CAMTA1: variants seen among roughly 807,000 people sequenced by gnomAD.
CAMTA1 encodes the protein calmodulin-binding transcription activator 1.
In CAMTA1, 27 loss-of-function variants were observed where a neutral mutation model predicts 170.9. That is an observed-to-expected ratio of 0.16 (90% CI 0.12 to 0.22). CAMTA1 has a LOEUF of 0.22. Among genes scored for constraint, CAMTA1 ranks in the 10% least tolerant of loss-of-function variants. CAMTA1 has a pLI of 1.00. For missense variants in CAMTA1, 1,619 were observed against 2,217.2 expected, an observed-to-expected ratio of 0.73 and a Z score of 5.42; for synonymous variants, 833 against 891.5, an observed-to-expected ratio of 0.93 and a Z score of 1.17.
rs376405509 is a variant in CAMTA1, at chr1:7,660,630, C to T, written c.665-1096C>T. Among the ~76,000 whole-genome samples, 25 of 152,338 alleles carry T rather than the reference C, an allele frequency of 1.6e-4. No individual in the cohort carries two copies. In the East Asian group the frequency reaches 4.1e-3, roughly 25 times the overall value. On this transcript the variant is annotated intron_variant, in intron 7 of 22. Coordinates refer to ENST00000303635, the MANE Select transcript of CAMTA1 (RefSeq NM_015215.4). ...GTCGACGCTCTCCTTGTCCCCCTAC[C>T]TTCTAGAGCCCTTCACAGAACTGGG...
rs1235301596 is a variant in CAMTA1 at position 7,248,776 on chromosome 1, C to T, written c.303-715C>T. Among the ~76,000 whole-genome samples, 2 of 152,116 alleles carry T rather than the reference C, an allele frequency of 1.3e-5. No homozygotes were observed. Among genetic ancestry groups the T allele is most frequent in the African/African-American group, 2.4e-5 (1 of 41,420 alleles). ...CCTTTTTCATCATCACACGAATGAC[C>T]ATCTAACTCTTAGCATTTAGGGAGC... On this transcript the variant is annotated intron_variant, in intron 4 of 22. Transcript: ENST00000303635. The surrounding 1 kb of genome is among the most constrained non-coding windows in gnomAD (Gnocchi z 4.0).
intron 5 of CAMTA1, among the ~76,000 whole-genome samples, chr1:7,432,717 G>T (rs558193810): frequency 1.3e-4 from 20 of 152,358 alleles, no homozygotes; most frequent in African/African-American, 4.6e-4. Flanking sequence ...CCTTTCTGTT[G>T]TCTGAGCTCC....
chr1:6,849,151 A>T (rs72638517), intron 3 of CAMTA1, among the ~76,000 whole-genome samples: 4,768 of 152,300 alleles, frequency 0.031, 124 homozygotes, highest in Middle Eastern at 0.044. Context: ...TTTCACGGTG[A>T]AGGAGAGGAG....
chr1:7,500,825 C>T (rs2093993802), intron 6 of CAMTA1, among the ~76,000 whole-genome samples: 1 of 152,094 alleles, frequency 6.6e-6, no homozygotes, highest in Non-Finnish European at 1.5e-5. Context: ...AGCAGCAAGT[C>T]TCGGTGACAT....
intron 4 of CAMTA1, among the ~76,000 whole-genome samples, chr1:7,124,500 T>C (rs921179905): frequency 6.6e-6 from 1 of 152,250 alleles, no homozygotes; most frequent in African/African-American, 2.4e-5. Flanking sequence ...TGGATGGCCC[T>C]TCTGCAATGG....
chr1:7,270,432 T>C (rs1264485965), intron 5 of CAMTA1, among the ~76,000 whole-genome samples: 1 of 151,664 alleles, frequency 6.6e-6, no homozygotes. Context: ...GTAGCTGGGA[T>C]TACAGGCACC....
Position 6,785,584 on chromosome 1 carries a change from C to A in CAMTA1, c.45+9C>A. 9.5e-7 allele frequency: 1 copy of A among 1,048,368 alleles called. No homozygotes were observed. The highest frequency in any genetic ancestry group is 1.2e-6 in the Non-Finnish European group (1 of 856,294). The allele number at this position is 1,048,368 out of a possible 1,614,324, so 64.9% of individuals were successfully genotyped here. A position where few individuals can be genotyped will look rare whatever the true frequency, so the allele number is the denominator to read the frequency against. On this transcript the variant is annotated intron_variant, in intron 1 of 22. Transcript: ENST00000303635. ...CGAAAACAAGCCGGAAGGTAAGAGC[C>A]GGAGCGCGAGGGGCTGGGGGGCGGC...
intron 3 of CAMTA1, among the ~76,000 whole-genome samples, chr1:6,952,879 C>G (rs1688745731): frequency 6.6e-6 from 1 of 152,096 alleles, no homozygotes; most frequent in Non-Finnish European, 1.5e-5. Context: ...TTGCAGGGAA[C>G]TTGGAACATA....
At chr1:6,968,023 C>A (rs1427723438) in intron 3 of CAMTA1, among the ~76,000 whole-genome samples, 1 of 152,156 alleles carries the variant, frequency 6.6e-6, no homozygotes, top group South Asian at 2.1e-4. Context: ...TGCTTTAACT[C>A]GAAGAACATC....
intron 4 of CAMTA1, among the ~76,000 whole-genome samples, chr1:7,181,724 A>G (rs1652198136): frequency 6.6e-6 from 1 of 151,638 alleles, no homozygotes; most frequent in African/African-American, 2.4e-5. Flanking sequence ...AGTCTTGAAC[A>G]AATAGAAAGA....
chr1:7,530,327 G>T (rs1339816571), intron 6 of CAMTA1, among the ~76,000 whole-genome samples: 1 of 152,214 alleles, frequency 6.6e-6, no homozygotes, highest in Non-Finnish European at 1.5e-5. Flanking sequence ...TATTAGTGTG[G>T]CACTGATGCA....
intron 22 of CAMTA1, among the ~76,000 whole-genome samples, chr1:7,756,238 T>A (rs2150219781): frequency 6.6e-6 from 1 of 152,220 alleles, no homozygotes; most frequent in African/African-American, 2.4e-5. Context: ...GGTAAGTCAC[T>A]GTACAAGGCT....
chr1:7,661,385 G>T (rs1336422100), intron 7 of CAMTA1, among the ~76,000 whole-genome samples: 1 of 152,186 alleles, frequency 6.6e-6, no homozygotes, highest in Non-Finnish European at 1.5e-5. Flanking sequence ...TTCTGTCCTT[G>T]TTCCCTTTCT....
At chr1:6,926,486 T>TTCTTTCTTTCTTTCTTTCTC (rs1553188109) in intron 3 of CAMTA1, among the ~76,000 whole-genome samples, 1 of 134,730 alleles carries the variant, frequency 7.4e-6, no homozygotes, top group East Asian at 2.2e-4. Flanking sequence ...CTTTCTTTCT[T>TTCTTTCTTTCTTTCTTTCTC]TCTCTCTCTC....
intron 3 of CAMTA1, among the ~76,000 whole-genome samples, chr1:6,929,284 A>G (rs1683933782): frequency 6.6e-6 from 1 of 151,922 alleles, no homozygotes; most frequent in Non-Finnish European, 1.5e-5. Context: ...GGTTCAAGTG[A>G]TTCTCCTGCC....
chr1:7,654,996 A>C (rs1046730631), intron 7 of CAMTA1, among the ~76,000 whole-genome samples: 2 of 140,506 alleles, frequency 1.4e-5, no homozygotes. Context: ...ACACACACCC[A>C]CACACACCTA....
At chr1:6,890,638 A>G (rs1169562580) in intron 3 of CAMTA1, among the ~76,000 whole-genome samples, 2 of 151,326 alleles carry the variant, frequency 1.3e-5, no homozygotes, top group African/African-American at 4.9e-5. Context: ...TGGTATGATC[A>G]CAGCTTATTG....
At chr1:7,301,572 G>C (rs915151152) in intron 5 of CAMTA1, among the ~76,000 whole-genome samples, 1 of 152,174 alleles carries the variant, frequency 6.6e-6, no homozygotes, top group African/African-American at 2.4e-5. Flanking sequence ...TGTGGAGCCA[G>C]GCAGTGTGTT....
At chr1:7,569,266 A>G (rs2095093580) in intron 6 of CAMTA1, among the ~76,000 whole-genome samples, 1 of 145,380 alleles carries the variant, frequency 6.9e-6, no homozygotes, top group South Asian at 2.2e-4. Flanking sequence ...AATCACCATC[A>G]TCATCATCAC....
Sources: allele counts gnomAD v4.1 joint callset (sites outside exome capture counted in the v4.1 genomes callset), GRCh38; gene constraint gnomAD v4.1.1; non-coding constraint Gnocchi (gnomAD v3.1); transcripts MANE v1.5; gene names NCBI Gene and HGNC (gene_info 2026-07-23, HGNC 2026-07-21).